Variants in BMERB1 observed in about 807,000 individuals in gnomAD.
BMERB1 encodes the protein bMERB domain containing 1.
BMERB1 carries 12 observed loss-of-function variants against 23.6 expected under a neutral mutation model. The ratio of observed to expected loss-of-function variants is 0.51; its 90% CI spans 0.33 to 0.82. The LOEUF (loss-of-function observed/expected upper bound fraction) is 0.82. Ranked by LOEUF, BMERB1 falls within the 40% of genes least tolerant of loss-of-function variation. BMERB1 has a pLI of 0.03. For synonymous variants in BMERB1, 122 were observed against 96.6 expected, an observed-to-expected ratio of 1.26 and a Z score of -1.54; for missense variants, 247 against 255.4, an observed-to-expected ratio of 0.97 and a Z score of 0.22.
chr16:15,448,849 C>T (rs1383575083), intron 1 of BMERB1, among the ~76,000 whole-genome samples: 2 of 152,064 alleles, frequency 1.3e-5, no homozygotes, highest in Non-Finnish European at 2.9e-5. Context: ...TTAGCATCCT[C>T]GCCTTCTGCT....
At chr16:15,444,445 G>A (rs2150921882) in intron 1 of BMERB1, among the ~76,000 whole-genome samples, 1 of 152,016 alleles carries the variant, frequency 6.6e-6, no homozygotes, top group Non-Finnish European at 1.5e-5. Flanking sequence ...CTGTGATCTT[G>A]GACAATTGGC....
chr16:15,453,156 C>T (rs2051056237), intron 1 of BMERB1, among the ~76,000 whole-genome samples: 1 of 151,990 alleles, frequency 6.6e-6, no homozygotes, highest in African/African-American at 2.4e-5. Flanking sequence ...TGGGCAACAG[C>T]ACGAGACTCT....
At chr16:15,520,081 C>T (rs2051831445) in intron 2 of BMERB1, among the ~76,000 whole-genome samples, 1 of 152,194 alleles carries the variant, frequency 6.6e-6, no homozygotes, top group South Asian at 2.1e-4. Flanking sequence ...CTTCTTGAGT[C>T]CTCGCAAGAA....
chr16:15,473,431 T>C (rs529271982), intron 1 of BMERB1, among the ~76,000 whole-genome samples: 47 of 151,910 alleles, frequency 3.1e-4, no homozygotes, highest in African/African-American at 1.1e-3. Flanking sequence ...GCTGGGATTA[T>C]ATAGGCTCCT....
chr16:15,505,902 A>AC (rs1281494976), intron 1 of BMERB1, among the ~76,000 whole-genome samples: 1 of 151,922 alleles, frequency 6.6e-6, no homozygotes, highest in African/African-American at 2.4e-5. Context: ...AAAAAAAAAA[A>AC]AAAGTGAATG....
chr16:15,464,371 C>G (rs1598453022), intron 1 of BMERB1, among the ~76,000 whole-genome samples: 1 of 147,946 alleles, frequency 6.8e-6, no homozygotes, highest in Non-Finnish European at 1.5e-5. Flanking sequence ...CTCATACCTC[C>G]CAGCTCTTTG....
At chr16:15,539,084 A>C (rs1022280676) in intron 2 of BMERB1, among the ~76,000 whole-genome samples, 2 of 152,188 alleles carry the variant, frequency 1.3e-5, no homozygotes, top group African/African-American at 2.4e-5. Flanking sequence ...TTTGTAATCT[A>C]TAATGAAATA....
chr16:15,454,052 C>G (rs1471092750), intron 1 of BMERB1, among the ~76,000 whole-genome samples: 1 of 152,054 alleles, frequency 6.6e-6, no homozygotes, highest in Non-Finnish European at 1.5e-5. Flanking sequence ...GGTCTCTTTT[C>G]TCACACATCT....
At chr16:15,496,286 G>GCCC (rs2051472858) in intron 1 of BMERB1, among the ~76,000 whole-genome samples, 1 of 152,146 alleles carries the variant, frequency 6.6e-6, no homozygotes, top group East Asian at 1.9e-4. Context: ...TAGAGACAGT[G>GCCC]ATTGTGATAA....
intron 2 of BMERB1, among the ~76,000 whole-genome samples, chr16:15,525,380 C>CA (rs1368371523): frequency 6.6e-6 from 1 of 152,086 alleles, no homozygotes; most frequent in Non-Finnish European, 1.5e-5. Flanking sequence ...TCTTGGCCTC[C>CA]AAAATCCCAT....
intron 2 of BMERB1, among the ~76,000 whole-genome samples, chr16:15,535,491 C>T (rs1162872968): frequency 6.7e-6 from 1 of 150,352 alleles, no homozygotes; most frequent in Non-Finnish European, 1.5e-5. Flanking sequence ...ACTAAAAATA[C>T]AAAAAAAAAT....
chr16:15,558,336 G>A (rs895972272), intron 2 of BMERB1, among the ~76,000 whole-genome samples: 10 of 152,136 alleles, frequency 6.6e-5, no homozygotes, highest in African/African-American at 1.9e-4. Context: ...TGGAATAAAG[G>A]AGCAGGGTGG....
chr16:15,569,505 A>G (rs1416788440), intron 3 of BMERB1, among the ~76,000 whole-genome samples: 5 of 151,968 alleles, frequency 3.3e-5, no homozygotes, highest in Non-Finnish European at 5.9e-5. Flanking sequence ...ATCATGAGAA[A>G]CCTCCATCAT....
intron 1 of BMERB1, among the ~76,000 whole-genome samples, chr16:15,488,007 C>T (rs1429717851): frequency 6.6e-6 from 1 of 152,112 alleles, no homozygotes; most frequent in Non-Finnish European, 1.5e-5. Flanking sequence ...TTGTGCCGTC[C>T]TCCTAGCTCA....
chr16:15,453,064 C>T (rs1300238966), intron 1 of BMERB1, among the ~76,000 whole-genome samples: 3 of 151,912 alleles, frequency 2.0e-5, no homozygotes, highest in African/African-American at 7.3e-5. Flanking sequence ...CCCAGCTACT[C>T]GGGAGGCTGG....
intron 1 of BMERB1, among the ~76,000 whole-genome samples, chr16:15,458,455 T>C (rs1173805479): frequency 5.9e-5 from 9 of 152,048 alleles, no homozygotes; most frequent in African/African-American, 1.9e-4. Flanking sequence ...TGGCTCACAC[T>C]TGTAACCCCA....
At chr16:15,502,262 A>G in intron 1 of BMERB1, 1 of 1,548,150 alleles carries the variant, frequency 6.5e-7, no homozygotes, top group Non-Finnish European at 8.7e-7. Flanking sequence ...GTGCCACTGG[A>G]GAATAACAAT....
chr16:15,435,115 G>T (rs536306936), intron 1 of BMERB1, among the ~76,000 whole-genome samples: 2 of 152,340 alleles, frequency 1.3e-5, no homozygotes, highest in East Asian at 3.9e-4. Flanking sequence ...CCTGGGATGC[G>T]CCAGGGCGCT....
chr16:15,482,137 T>C (rs2150935714), intron 1 of BMERB1, among the ~76,000 whole-genome samples: 1 of 152,266 alleles, frequency 6.6e-6, no homozygotes, highest in African/African-American at 2.4e-5. Context: ...ATTGGCAAGG[T>C]GCCTGCTGCT....
Sources: allele counts gnomAD v4.1 joint callset (sites outside exome capture counted in the v4.1 genomes callset), GRCh38; gene constraint gnomAD v4.1.1; transcripts MANE v1.5; gene names NCBI Gene and HGNC (gene_info 2026-07-23, HGNC 2026-07-21).